The following MAP4K4 variants were observed in gnomAD, a reference collection of about 807,000 sequenced individuals.
The protein encoded by MAP4K4 is HPK/GCK-like kinase HGK.
In MAP4K4, 38 loss-of-function variants were observed where a neutral mutation model predicts 189.6. That is an observed-to-expected ratio of 0.20 (90% CI 0.15 to 0.26). The LOEUF (loss-of-function observed/expected upper bound fraction) is 0.26, where lower values mean the gene tolerates loss of function less well. Among genes scored for constraint, MAP4K4 ranks in the 10% least tolerant of loss-of-function variants. MAP4K4 has a pLI of 1.00. For synonymous variants in MAP4K4, 610 were observed against 624.3 expected, an observed-to-expected ratio of 0.98 and a Z score of 0.34; for missense variants, 1,054 against 1,726.9, an observed-to-expected ratio of 0.61 and a Z score of 6.91.
chr2:101,831,091 G>A (rs1005528861), intron 6 of MAP4K4, among the ~76,000 whole-genome samples: 1 of 152,154 alleles, frequency 6.6e-6, no homozygotes, highest in East Asian at 1.9e-4. Flanking sequence ...TCTGTTAGAG[G>A]TCATGGTCTT....
At chr2:101,714,605 A>C (rs953066721) in intron 2 of MAP4K4, among the ~76,000 whole-genome samples, 1 of 152,204 alleles carries the variant, frequency 6.6e-6, no homozygotes, top group African/African-American at 2.4e-5. Context: ...GAGCCTTCCT[A>C]AGAAGTTTGA....
At chr2:101,713,102 A>C (rs1559053626) in intron 2 of MAP4K4, among the ~76,000 whole-genome samples, 1 of 150,902 alleles carries the variant, frequency 6.6e-6, no homozygotes, top group Non-Finnish European at 1.5e-5. Flanking sequence ...ACGGGGTTTC[A>C]TCATGTTGGC....
chr2:101,762,474 A>G (rs2076904134), intron 2 of MAP4K4, among the ~76,000 whole-genome samples: 1 of 152,158 alleles, frequency 6.6e-6, no homozygotes, highest in Non-Finnish European at 1.5e-5. Flanking sequence ...GCCATTCTGA[A>G]TAGAAGCTCT....
chr2:101,757,186 C>A (rs143743974), intron 2 of MAP4K4, among the ~76,000 whole-genome samples: 11 of 152,272 alleles, frequency 7.2e-5, no homozygotes, highest in Admixed American at 4.6e-4. Context: ...TATACAATTA[C>A]AATGTCATCA....
Position 101,756,614 on chromosome 2 carries a change from G to A in MAP4K4, c.124-34106G>A, listed in dbSNP as rs890752809. Among the ~76,000 whole-genome samples, 6 of 152,178 alleles carry A rather than the reference G, an allele frequency of 3.9e-5. No individual in the cohort carries two copies. In the East Asian group the frequency reaches 5.8e-4, roughly 15 times the overall value. Reference sequence around the variant, plus strand: ...TTGTTGCTTATGCTGGAGTGCTGTGGCTTGATCACAGCTCGCTACAGCTTG... The same window carrying A: ...TTGTTGCTTATGCTGGAGTGCTGTGACTTGATCACAGCTCGCTACAGCTTG... On this transcript the variant is annotated intron_variant, in intron 2 of 32. Transcript: ENST00000324219.
In MAP4K4 at chr2:101,871,495, G is replaced by A. The variant is rs185929658; in HGVS notation, c.2762G>A (p.Ser921Asn). The change falls in exon 24 of 33, where the codon AGT becomes AAT. Residue 921 changes from serine (S) to asparagine (N), a missense_variant and splice_region_variant. By Grantham distance (46) the Ser-to-Asn change is conservative. Coordinates refer to ENST00000324219, the Ensembl canonical transcript of MAP4K4. Reference sequence around the variant, plus strand: ...CAAGTGTGCCTGTTTTTTCTACAGAGTACAGTTGACCAAAAGCGTGCCAGC... The same window carrying A: ...CAAGTGTGCCTGTTTTTTCTACAGAATACAGTTGACCAAAAGCGTGCCAGC... 5.9e-6 allele frequency: 9 copies of A among 1,533,942 alleles called. No individual in the cohort carries two copies. The East Asian group carries it at 2.0e-4, about 33-fold the overall frequency.
intron 2 of MAP4K4, among the ~76,000 whole-genome samples, chr2:101,770,840 G>C (rs1158095840): frequency 1.3e-5 from 2 of 152,180 alleles, no homozygotes; most frequent in African/African-American, 4.8e-5. Context: ...TTAAACTGGA[G>C]TAGACAACTG....
chr2:101,698,741 G>T (rs910945023), intron 2 of MAP4K4, among the ~76,000 whole-genome samples: 1 of 152,110 alleles, frequency 6.6e-6, no homozygotes, highest in Admixed American at 6.5e-5. Context: ...TCATTTCCTG[G>T]CTTTGAGATA....
chr2:101,759,965 T>G (rs2075457042), intron 2 of MAP4K4, among the ~76,000 whole-genome samples: 1 of 151,658 alleles, frequency 6.6e-6, no homozygotes, highest in African/African-American at 2.4e-5. Flanking sequence ...TACCTCGGCC[T>G]CCTGAGTTGC....
chr2:101,698,205 A>G (rs2035548334), intron 1 of MAP4K4, 68 bp downstream of exon 1: 1 of 642,838 alleles, frequency 1.6e-6, no homozygotes, highest in Middle Eastern at 6.5e-4. Context: ...GGCCGCGCCC[A>G]GGTCGGCCGG....
intron 2 of MAP4K4, among the ~76,000 whole-genome samples, chr2:101,708,699 A>G (rs2043749196): frequency 1.3e-5 from 2 of 152,238 alleles, no homozygotes; most frequent in Non-Finnish European, 1.5e-5. Context: ...GAGTGGCACA[A>G]CCATCACCAC....
chr2:101,764,019 A>G (rs1321465304), intron 2 of MAP4K4, among the ~76,000 whole-genome samples: 1 of 152,042 alleles, frequency 6.6e-6, no homozygotes, highest in Non-Finnish European at 1.5e-5. Flanking sequence ...ACATTTTTTC[A>G]TCTTTGTCAC....
At chr2:101,856,488 A>T (rs540203740) in intron 13 of MAP4K4, among the ~76,000 whole-genome samples, 27 of 145,026 alleles carry the variant, frequency 1.9e-4, no homozygotes, top group South Asian at 4.2e-4. Context: ...ATTAACTTTT[A>T]AAAAAAAAAT....
chr2:101,723,935 A>G (rs978224573), intron 2 of MAP4K4, among the ~76,000 whole-genome samples: 2 of 152,124 alleles, frequency 1.3e-5, no homozygotes, highest in South Asian at 4.1e-4. Flanking sequence ...ATTGTTTACT[A>G]TATCACTCAC....
exon 10 of MAP4K4, chr2:101,839,920 A>G: frequency 6.2e-7 from 1 of 1,613,990 alleles, no homozygotes. Flanking sequence ...ATAAGGGATC[A>G]GCCAAATGAA....
At chr2:101,708,740 A>G (rs1280684880) in intron 2 of MAP4K4, among the ~76,000 whole-genome samples, 1 of 152,220 alleles carries the variant, frequency 6.6e-6, no homozygotes, top group South Asian at 2.1e-4. Flanking sequence ...TGATCATGCC[A>G]GTTAGATTCC....
At chr2:101,776,867 A>G (rs1464559935) in intron 2 of MAP4K4, among the ~76,000 whole-genome samples, 2 of 152,170 alleles carry the variant, frequency 1.3e-5, no homozygotes, top group Non-Finnish European at 2.9e-5. Context: ...CCAAATAACC[A>G]CATACCAAAT....
intron 4 of MAP4K4, among the ~76,000 whole-genome samples, chr2:101,824,657 A>G (rs1330670470): frequency 6.6e-6 from 1 of 152,182 alleles, no homozygotes; most frequent in East Asian, 1.9e-4. Flanking sequence ...TTGTATCAGT[A>G]TTTTTAAAAG....
chr2:101,892,778 A>G (rs1371545131), exon 33 of MAP4K4: 1 of 415,714 alleles, frequency 2.4e-6, no homozygotes, highest in Non-Finnish European at 4.9e-6. Context: ...TATTCATGAC[A>G]TTTGTAATAA....
Sources: gnomAD v4.1 joint callset for allele counts (sites outside exome capture counted in the v4.1 genomes callset) on GRCh38, gnomAD v4.1.1 for gene constraint, MANE v1.5 for transcripts, NCBI Gene and HGNC (gene_info 2026-07-23, HGNC 2026-07-21) for gene names.